Variants in TMEFF1 observed in about 807,000 individuals in gnomAD.
TMEFF1 encodes tomoregulin-1.
In TMEFF1, 20 loss-of-function variants were observed where a neutral mutation model predicts 47.5. The ratio of observed to expected loss-of-function variants is 0.42; its 90% CI spans 0.30 to 0.61. The LOEUF is 0.61. TMEFF1 is among the 20% of genes least tolerant of loss of function. The pLI, the probability that TMEFF1 is intolerant of heterozygous loss-of-function variation, is 0.19. For synonymous variants in TMEFF1, 162 were observed against 166.3 expected (o/e 0.97, Z 0.20); for missense variants, 411 against 471.1 (o/e 0.87, Z 1.18).
chr9:100,532,753 A>G (rs975826948), intron 5 of TMEFF1, among the ~76,000 whole-genome samples: 30 of 152,066 alleles, frequency 2.0e-4, no homozygotes, highest in Non-Finnish European at 4.1e-4. Flanking sequence ...TACCCAAAGG[A>G]CTATAAATCA....
chr9:100,473,845 C>A lies in TMEFF1; in HGVS notation c.196+105C>A. On this transcript the variant is annotated intron_variant, in intron 1 of 9. Transcript: ENST00000374879. This position sits in a 1 kb window ranked among gnomAD's most constrained non-coding sequence, Gnocchi z 5.4. ...CTGGGAAAGACCCCGTCGTGGGGGT[C>A]CCAGGGGTGGGCCCGAGGGTGAGCG... The A allele has an allele frequency of 7.6e-7, 1 of 1,311,226 alleles. No individual in the cohort carries two copies. Among genetic ancestry groups the A allele is most frequent in the South Asian group, 1.8e-5 (1 of 55,582 alleles). The allele number at this position is 1,311,226 out of a possible 1,614,324, so 81.2% of individuals were successfully genotyped here.
chr9:100,502,733 C>T (rs753723640), intron 2 of TMEFF1, among the ~76,000 whole-genome samples: 4 of 152,196 alleles, frequency 2.6e-5, no homozygotes, highest in South Asian at 2.1e-4. Flanking sequence ...GCCTTTTTGA[C>T]GTTTTAAAAA....
At chr9:100,534,478 C>T (rs563030130) in intron 5 of TMEFF1, among the ~76,000 whole-genome samples, 38 of 152,300 alleles carry the variant, frequency 2.5e-4, no homozygotes, top group African/African-American at 3.8e-4. Context: ...TTTGAGTGCA[C>T]GCTTCTGTGC....
At chr9:100,544,264 C>T (rs1031494572) in intron 5 of TMEFF1, among the ~76,000 whole-genome samples, 6 of 152,176 alleles carry the variant, frequency 3.9e-5, no homozygotes, top group African/African-American at 1.4e-4. Flanking sequence ...ACATACTAGA[C>T]ACTGGGCAAT....
At chr9:100,527,730 G>A (rs1358580021) in intron 5 of TMEFF1, among the ~76,000 whole-genome samples, 2 of 152,192 alleles carry the variant, frequency 1.3e-5, no homozygotes, top group Admixed American at 1.3e-4. Context: ...GAACTGGGTG[G>A]AGCCCACCAC....
At chr9:100,570,015 C>T (rs1034979003) in intron 8 of TMEFF1, among the ~76,000 whole-genome samples, 67 of 152,156 alleles carry the variant, frequency 4.4e-4, no homozygotes, top group Non-Finnish European at 4.4e-5. Flanking sequence ...TTAGGTTCCA[C>T]ATATGAGTGG....
At chr9:100,568,095 A>G (rs1177311890) in intron 8 of TMEFF1, among the ~76,000 whole-genome samples, 1 of 152,222 alleles carries the variant, frequency 6.6e-6, no homozygotes, top group African/African-American at 2.4e-5. Flanking sequence ...GGGAGTTACT[A>G]TTCAAGATGG....
chr9:100,473,310 C>A lies in TMEFF1; in HGVS notation c.-235C>A. Reference sequence around the variant, plus strand: ...CCACGCCGGCTCGCACCCTCGCGCGCACCCTTGCGCGCCCGCGACCCTCGC... The same window carrying A: ...CCACGCCGGCTCGCACCCTCGCGCGAACCCTTGCGCGCCCGCGACCCTCGC... On this transcript the variant is annotated 5_prime_UTR_variant, in exon 1 of 10. Coordinates refer to ENST00000374879, the MANE Select transcript of TMEFF1 (RefSeq NM_003692.5). The surrounding 1 kb of genome is among the most constrained non-coding windows in gnomAD (Gnocchi z 5.4). 5.8e-6 allele frequency: 1 copy of A among 172,502 alleles called. No individual in the cohort carries two copies. The highest frequency in any genetic ancestry group is 1.7e-4 in the South Asian group (1 of 5,722). 10.7% of individuals were successfully genotyped at this position (172,502 alleles called of 1,614,324 possible). A position where few individuals can be genotyped will look rare whatever the true frequency, so the allele number is the denominator to read the frequency against.
At chr9:100,566,899 T>C (rs1302537605) in intron 8 of TMEFF1, among the ~76,000 whole-genome samples, 3 of 152,040 alleles carry the variant, frequency 2.0e-5, no homozygotes. Context: ...GAGATAGGGT[T>C]TCAGCACGTT....
rs915030054 is a variant in TMEFF1, at chr9:100,473,604, C to T, written c.60C>T (p.Phe20=). 2.1e-5 allele frequency: 32 copies of T among 1,557,712 alleles called. No individual in the cohort carries two copies. The highest frequency in any genetic ancestry group is 2.7e-5 in the Non-Finnish European group (31 of 1,152,828). The part of the protein sequence containing the change: ...LRLPAAPPLA[F]CCYTSVLLLF... ...TGCCTGCCGCGCCTCCGCTCGCCTT[C>T]TGCTGCTACACGTCGGTGCTTCTGC... The change falls in exon 1 of 10, where the codon TTC becomes TTT. Residue 20 remains phenylalanine, a synonymous_variant. Transcript: ENST00000374879. The surrounding 1 kb of genome is among the most constrained non-coding windows in gnomAD (Gnocchi z 5.4).
intron 4 of TMEFF1, among the ~76,000 whole-genome samples, chr9:100,514,218 A>G (rs1037556150): frequency 6.6e-6 from 1 of 152,068 alleles, no homozygotes; most frequent in African/African-American, 2.4e-5. Flanking sequence ...TACATTTCAT[A>G]GAATCTTAAA....
chr9:100,531,674 A>T (rs74567056), intron 5 of TMEFF1, among the ~76,000 whole-genome samples: 1,016 of 116,520 alleles, frequency 8.7e-3, no homozygotes, highest in South Asian at 0.016. Context: ...AAGGTAATTT[A>T]CAGATTCAAT....
intron 1 of TMEFF1, among the ~76,000 whole-genome samples, chr9:100,477,895 A>G (rs1307849712): frequency 3.3e-5 from 5 of 152,052 alleles, no homozygotes; most frequent in Non-Finnish European, 7.4e-5. Context: ...CCAAAGTGCT[A>G]GGATTACAGG....
Position 100,499,639 on chromosome 9 carries a change from G to C in TMEFF1, c.306+765G>C, listed in dbSNP as rs548709965. Among the ~76,000 whole-genome samples the C allele has an allele frequency of 5.9e-5, 9 of 152,298 alleles. No individual in the cohort carries two copies. The South Asian group carries it at 1.9e-3, about 32-fold the overall frequency. ...AGAAATCAGAAACGAAAGCATAGGA[G>C]AGTTAGTATTTCTGGTAACCCTGTG... On this transcript the variant is annotated intron_variant, in intron 2 of 9. Transcript: ENST00000374879.
chr9:100,510,551 C>T lies in TMEFF1; in HGVS notation c.436+1417C>T, dbSNP rs531646232. On this transcript the variant is annotated intron_variant, in intron 3 of 9. Transcript: ENST00000374879. ...GTGGCACGATCATGACTCACTGCAG[C>T]CTTGACCTCCCAGGCTCAAGGGATC... Among the ~76,000 whole-genome samples the T allele has an allele frequency of 2.0e-5, 3 of 152,306 alleles. No homozygotes were observed. In the South Asian group the frequency reaches 6.2e-4, roughly 32 times the overall value.
chr9:100,554,117 C>A (rs973732405), intron 7 of TMEFF1, among the ~76,000 whole-genome samples: 17 of 152,146 alleles, frequency 1.1e-4, no homozygotes, highest in African/African-American at 3.6e-4. Flanking sequence ...TTGGTCTCAT[C>A]CTTGAGCCTC....
intron 5 of TMEFF1, among the ~76,000 whole-genome samples, chr9:100,541,549 G>T (rs1164168981): frequency 6.6e-6 from 1 of 151,120 alleles, no homozygotes; most frequent in African/African-American, 2.4e-5. Context: ...AATTTTTTGT[G>T]TTTTTAGTAG....
chr9:100,559,224 G>T (rs1252617811), intron 7 of TMEFF1, among the ~76,000 whole-genome samples: 1 of 152,184 alleles, frequency 6.6e-6, no homozygotes, highest in Non-Finnish European at 1.5e-5. Flanking sequence ...AAGTGCTCAG[G>T]ATCATAGCAG....
intron 1 of TMEFF1, among the ~76,000 whole-genome samples, chr9:100,481,805 C>T (rs1249441063): frequency 2.0e-5 from 3 of 151,878 alleles, no homozygotes; most frequent in Admixed American, 1.3e-4. Context: ...TTTTTTGAGA[C>T]GGAGTCTAGC....
Sources: gnomAD v4.1 joint callset for allele counts (sites outside exome capture counted in the v4.1 genomes callset) on GRCh38, gnomAD v4.1.1 for gene constraint, Gnocchi (gnomAD v3.1) non-coding constraint, MANE v1.5 for transcripts, NCBI Gene and HGNC (gene_info 2026-07-23, HGNC 2026-07-21) for gene names.